The following CHD1L variants were observed in gnomAD, a reference collection of about 807,000 sequenced individuals.
CHD1L encodes ATP-dependent chromatin remodeler CHD1L.
A neutral mutation model predicts 115.9 loss-of-function variants in CHD1L; 118 were observed. The observed-to-expected ratio is 1.02, with a 90% CI of 0.88 to 1.19. The LOEUF is 1.19. CHD1L is among the 50% of genes most tolerant of loss of function. The pLI, the probability that CHD1L is intolerant of heterozygous loss-of-function variation, is 0.00. For missense variants in CHD1L, 1,179 were observed against 1,065.3 expected (o/e 1.11, Z -1.49); for synonymous variants, 411 against 387.1 (o/e 1.06, Z -0.72).
intron 10 of CHD1L, among the ~76,000 whole-genome samples, chr1:147,270,076 G>C (rs191232624): frequency 2.8e-4 from 42 of 152,312 alleles, no homozygotes; most frequent in African/African-American, 9.1e-4. Flanking sequence ...AATGAGATTA[G>C]AATTGAGGTT....
the CHD1L span, among the ~76,000 whole-genome samples, chr1:147,183,184 C>T: frequency 6.6e-6 from 1 of 151,956 alleles, no homozygotes; most frequent in African/African-American, 2.4e-5. Context: ...GGCGACAGAG[C>T]GAGACTCTGT....
the CHD1L span, among the ~76,000 whole-genome samples, chr1:147,196,034 T>C: frequency 6.6e-6 from 1 of 152,184 alleles, no homozygotes; most frequent in Non-Finnish European, 1.5e-5. Flanking sequence ...TGTTAATACA[T>C]GACAGCTCTT....
chr1:147,221,817 G>A, the CHD1L span, among the ~76,000 whole-genome samples: 1 of 152,154 alleles, frequency 6.6e-6, no homozygotes, highest in African/African-American at 2.4e-5. Context: ...GTGTTATCCT[G>A]TGTCAACAAC....
the CHD1L span, chr1:147,184,465 TC>T: frequency 6.9e-7 from 1 of 1,459,240 alleles, no homozygotes. This position sits in a 1 kb window ranked among gnomAD's most constrained non-coding sequence, Gnocchi z 4.4. Flanking sequence ...CAGGAGTCCA[TC>T]CAGGATACTA....
the CHD1L span, chr1:147,187,221 G>A: frequency 1.9e-6 from 3 of 1,611,668 alleles, no homozygotes; most frequent in Non-Finnish European, 2.5e-6. Context: ...CTCCCTGAAT[G>A]GTATGGCGTT....
chr1:147,212,399 G>T, the CHD1L span: 1 of 1,613,988 alleles, frequency 6.2e-7, no homozygotes. Context: ...AAACCTGCTT[G>T]GCTGTTTGGC....
At chr1:147,197,365 A>G in the CHD1L span, among the ~76,000 whole-genome samples, 9 of 152,260 alleles carry the variant, frequency 5.9e-5, no homozygotes, top group South Asian at 4.1e-4. Context: ...ATATAGTTAA[A>G]TATCTGCTGA....
the CHD1L span, among the ~76,000 whole-genome samples, chr1:147,199,298 G>A: frequency 6.6e-6 from 1 of 152,122 alleles, no homozygotes; most frequent in Non-Finnish European, 1.5e-5. Context: ...ATAATTCAGG[G>A]AAGAGAAAGG....
At position 147,268,801 on chromosome 1, in the gene CHD1L, T is replaced by A; in HGVS notation, c.1008T>A (p.Phe336Leu). 6.2e-7 allele frequency: 1 copy of A among 1,613,576 alleles called. No homozygotes were observed. Among genetic ancestry groups the A allele is most frequent in the South Asian group, 1.1e-5 (1 of 91,068 alleles). Residue 336 changes from phenylalanine to leucine, a missense_variant, in exon 10 of 23, where the codon TTT becomes TTA. Coordinates refer to ENST00000369258, the MANE Select transcript of CHD1L (RefSeq NM_004284.6). ...TTCTAGGTGTGGAGCCGGAGCCTTTTGAAGTTGGAGACCACCTGACTGAGG... is the reference window on the plus strand; with the variant it reads ...TTCTAGGTGTGGAGCCGGAGCCTTTAGAAGTTGGAGACCACCTGACTGAGG... ...YLFDGVEPEP[F>L]EVGDHLTEAS...
the CHD1L span, among the ~76,000 whole-genome samples, chr1:147,206,199 A>G: frequency 0.038 from 5,704 of 150,606 alleles, 349 homozygotes; most frequent in South Asian, 0.096. Flanking sequence ...GAGAAATGCA[A>G]ATCAAAACCA....
At chr1:147,255,084 T>A in intron 3 of CHD1L, 108 bp downstream of exon 3, 1 of 772,570 alleles carries the variant, frequency 1.3e-6, no homozygotes, top group Non-Finnish European at 2.0e-6. Flanking sequence ...ATTAGTAAGT[T>A]TATTCCAGAA....
At chr1:147,224,045 G>C in the CHD1L span, 2 of 403,994 alleles carry the variant, frequency 5.0e-6, no homozygotes, top group East Asian at 1.7e-4. Context: ...GGATCCCATC[G>C]AGCTGGTTGT....
chr1:147,215,747 T>C, the CHD1L span: 1 of 1,584,392 alleles, frequency 6.3e-7, no homozygotes, highest in Non-Finnish European at 8.6e-7. Flanking sequence ...CCCACACAAT[T>C]TTCTACCTTA....
intron 6 of CHD1L, among the ~76,000 whole-genome samples, chr1:147,263,263 A>G (rs587748581): frequency 7.9e-5 from 12 of 152,090 alleles, no homozygotes; most frequent in Non-Finnish European, 1.3e-4. Flanking sequence ...CCTTGTCGCT[A>G]TAAGAAAATT....
intron 15 of CHD1L, among the ~76,000 whole-genome samples, chr1:147,283,427 A>G (rs914846725): frequency 2.0e-5 from 3 of 152,222 alleles, no homozygotes; most frequent in Non-Finnish European, 4.4e-5. Flanking sequence ...TTCAATCATT[A>G]TCTTACCTAT....
intron 1 of CHD1L, 44 bp from the exon 2 acceptor site, chr1:147,252,579 C>G (rs782125437): frequency 4.1e-6 from 6 of 1,480,162 alleles, no homozygotes; most frequent in Admixed American, 1.7e-5. Context: ...TCTGCATGTA[C>G]TGAAATGTCT....
chr1:147,201,590 A>T, the CHD1L span: 2 of 931,070 alleles, frequency 2.1e-6, no homozygotes, highest in African/African-American at 1.6e-5. Context: ...TGGTGGAGGT[A>T]AACAGGATGC....
At chr1:147,265,805 A>G in intron 7 of CHD1L, 127 bp from the exon 8 acceptor site, 1 of 718,914 alleles carries the variant, frequency 1.4e-6, no homozygotes, top group Admixed American at 3.6e-5. Context: ...AAAAATGATC[A>G]TACTGGCCTA....
chr1:147,269,136 GCTGT>G (rs1173321953), intron 10 of CHD1L, among the ~76,000 whole-genome samples: 4 of 152,070 alleles, frequency 2.6e-5, no homozygotes, highest in Non-Finnish European at 4.4e-5. Context: ...GCCGTAATCT[GCTGT>G]CTGATTAACT....
Sources: gnomAD v4.1 joint callset for allele counts (sites outside exome capture counted in the v4.1 genomes callset) on GRCh38, gnomAD v4.1.1 for gene constraint, Gnocchi (gnomAD v3.1) non-coding constraint, MANE v1.5 for transcripts, NCBI Gene and HGNC (gene_info 2026-07-23, HGNC 2026-07-21) for gene names.